DSC2: variants seen among roughly 807,000 people sequenced by gnomAD.
DSC2 encodes desmocollin 2, also known as desmocollin-2.
Under a neutral mutation model 87.6 loss-of-function variants are expected in DSC2, and 51 were observed. That is an observed-to-expected ratio of 0.58 (90% CI 0.46 to 0.74). The LOEUF (loss-of-function observed/expected upper bound fraction) is 0.74, where lower values mean the gene tolerates loss of function less well. Among genes scored for constraint, DSC2 ranks in the 30% least tolerant of loss-of-function variants. The pLI, the probability that DSC2 is intolerant of heterozygous loss-of-function variation, is 0.00. For missense variants in DSC2, 1,066 were observed against 1,089.5 expected, an observed-to-expected ratio of 0.98 and a Z score of 0.30; for synonymous variants, 383 against 393.2, an observed-to-expected ratio of 0.97 and a Z score of 0.31.
rs1395367133 is a variant in DSC2, at chr18:31,101,936, TCC to T, written c.34_35del (p.Gly12SerfsTer18). Reference sequence around the variant, plus strand: ...TCAGCAGGAGCAGCCGGCAGAGGGCTCCGTTCCAGGAGCCGGAGGGGCGGGCT... The same window carrying T: ...TCAGCAGGAGCAGCCGGCAGAGGGCTGTTCCAGGAGCCGGAGGGGCGGGCT... ...EAARPSGSWNGALCRLLLLTL... is the reference protein window; with the variant it reads ...EAARPSGSWNXALCRLLLLTL... On this transcript the variant is annotated frameshift_variant, in exon 1 of 16. Coordinates refer to ENST00000280904, the MANE Select transcript of DSC2 (RefSeq NM_024422.6). LOFTEE classifies it high-confidence loss of function. The T allele has an allele frequency of 2.6e-6, 4 of 1,529,506 alleles. No homozygotes were observed. The highest frequency in any genetic ancestry group is 3.5e-6 in the Non-Finnish European group (4 of 1,143,536). The allele number at this position is 1,529,506 out of a possible 1,614,324, so 94.7% of individuals were successfully genotyped here. A position where few individuals can be genotyped will look rare whatever the true frequency, so the allele number is the denominator to read the frequency against.
In DSC2 at chr18:31,067,185, T is replaced by C. The variant is rs200094325; in HGVS notation, c.*830A>G. The C allele has an allele frequency of 2.6e-5, 4 of 151,026 alleles. No homozygotes were observed. The East Asian group carries it at 7.8e-4, about 29-fold the overall frequency. The allele number at this position is 151,026 out of a possible 1,614,324, so 9.4% of individuals were successfully genotyped here. ...AAAACAAAAAAAAGGAATAATTCAC[T>C]TTATGAGAGAAGAAAAGAGAGACAG... On this transcript the variant is annotated 3_prime_UTR_variant, in exon 16 of 16. Transcript: ENST00000280904.
rs764464857 is a variant in DSC2 at position 31,060,085 on chromosome 18, C to A, written c.*7930G>T. ...GTGTGATCATTGTTTCCATTGTCCT[C>A]AATTATGGTACATTGTATCACAGTA... On this transcript the variant is annotated 3_prime_UTR_variant, in exon 16 of 16. Coordinates refer to ENST00000280904, the MANE Select transcript of DSC2 (RefSeq NM_024422.6). 1.3e-5 allele frequency: 2 copies of A among 152,120 alleles called. No homozygotes were observed. Among genetic ancestry groups the A allele is most frequent in the African/African-American group, 2.4e-5 (1 of 41,446 alleles). 9.4% of individuals were successfully genotyped at this position (152,120 alleles called of 1,614,324 possible).
rs764355417 is a variant in DSC2 at position 31,071,823 on chromosome 18, G to C, written c.1907C>G (p.Ser636Cys). The C allele has an allele frequency of 4.3e-6, 7 of 1,613,492 alleles. No homozygotes were observed. The highest frequency in any genetic ancestry group is 1.6e-4 in the Middle Eastern group (1 of 6,062). ...GCCAAATGGAGGATCATTCTGATAG[G>C]AAAGACGTGCTGCTGTATCTGAAAA... ...KAINDTAARL[S>C]YQNDPPFGSY... The change falls in exon 13 of 16, where the codon TCC (serine) becomes TGC (cysteine). Residue 636 changes from serine to cysteine, a missense_variant. Coordinates refer to ENST00000280904, the MANE Select transcript of DSC2 (RefSeq NM_024422.6).
intron 3 of DSC2, 53 bp from the exon 4 acceptor site, chr18:31,091,200 A>C: frequency 1.9e-6 from 3 of 1,600,536 alleles, no homozygotes; most frequent in Non-Finnish European, 2.6e-6. Flanking sequence ...CTTTATTCTC[A>C]AACATTAAAC....
In DSC2 at chr18:31,070,998, T is replaced by C; in HGVS notation, c.2126-148A>G. The stretch of plus-strand genomic sequence containing the variant: ...CTGGATTGCTTGTGTCAAAGCAGTA[T>C]ACAATAGAAAAGTTTAAATAGATAT... On this transcript the variant is annotated intron_variant, in intron 13 of 15. Transcript: ENST00000280904. 5 of 983,816 alleles carry C rather than the reference T, an allele frequency of 5.1e-6. No homozygotes were observed. In the Admixed American group the frequency reaches 7.6e-5, roughly 15 times the overall value. 60.9% of individuals were successfully genotyped at this position (983,816 alleles called of 1,614,324 possible). A position where few individuals can be genotyped will look rare whatever the true frequency, so the allele number is the denominator to read the frequency against.
chr18:31,070,742 G>A lies in DSC2; in HGVS notation c.2234C>T (p.Pro745Leu), dbSNP rs2144788073. 1 of 1,613,808 alleles carries A rather than the reference G, an allele frequency of 6.2e-7. No individual in the cohort carries two copies. Among genetic ancestry groups the A allele is most frequent in the South Asian group, 1.1e-5 (1 of 91,078 alleles). Residue 745 changes from proline (P) to leucine (L), a missense_variant, in exon 14 of 16, where the codon CCT becomes CTT. Physicochemically the swap from Pro to Leu is moderately conservative, Grantham distance 98. Coordinates refer to ENST00000280904, the MANE Select transcript of DSC2 (RefSeq NM_024422.6). ...ACTACTTACCACTTTGTCATCTCCA[G>A]GAGCTTCTGTGTTTGATACAATTAG... ...QNLIVSNTEA[P>L]GDDKVYSANG... is the part of the protein sequence containing the mutation.
At chr18:31,079,345 C>T (rs1299450245) in intron 11 of DSC2, among the ~76,000 whole-genome samples, 2 of 152,130 alleles carry the variant, frequency 1.3e-5, no homozygotes. Context: ...CCTCCACCTC[C>T]TGGGTTCAAG....
At chr18:31,098,495 T>C (rs1987834494) in intron 1 of DSC2, among the ~76,000 whole-genome samples, 1 of 152,092 alleles carries the variant, frequency 6.6e-6, no homozygotes, top group African/African-American at 2.4e-5. Context: ...TGCTCTGTTG[T>C]CCAGGCCGGA....
In DSC2 at chr18:31,082,393, C is replaced by T. The variant is rs148117955; in HGVS notation, c.1108G>A (p.Asp370Asn). Residue 370 changes from aspartate to asparagine, a missense_variant, in exon 9 of 16, where the codon GAT (aspartate) becomes AAT (asparagine). By Grantham distance (23) the Asp-to-Asn change is conservative (BLOSUM62 1). Coordinates refer to ENST00000280904, the MANE Select transcript of DSC2 (RefSeq NM_024422.6). ...YVTSVEENTV[D>N]VEILRVTVED... ...ACAGTAACTCGTAAGATTTCCACAT[C>T]AACTGTATTTTCTTCCACTGATGTC... The T allele has an allele frequency of 6.2e-7, 1 of 1,613,656 alleles. No homozygotes were observed. The highest frequency in any genetic ancestry group is 1.3e-5 in the African/African-American group (1 of 75,032).
rs1986551676 is a variant in DSC2 at position 31,063,842 on chromosome 18, T to C, written c.*4173A>G. ...GGTTTATCAGGATGTAACCCCATCA[T>C]AAGTCAAGAAGCATCTGTATTTAAA... On this transcript the variant is annotated 3_prime_UTR_variant, in exon 16 of 16. Transcript: ENST00000280904. 1 of 152,334 alleles carries C rather than the reference T, an allele frequency of 6.6e-6. No homozygotes were observed. The highest frequency in any genetic ancestry group is 2.4e-5 in the African/African-American group (1 of 41,592). 9.4% of individuals were successfully genotyped at this position (152,334 alleles called of 1,614,324 possible). A position where few individuals can be genotyped will look rare whatever the true frequency, so the allele number is the denominator to read the frequency against.
intron 1 of DSC2, 39 bp downstream of exon 1, chr18:31,101,863 TC>T: frequency 1.3e-6 from 2 of 1,514,450 alleles, no homozygotes; most frequent in Middle Eastern, 1.7e-4. Flanking sequence ...CCCTAGGCGA[TC>T]GCCCCCTTCC....
Position 31,070,860 on chromosome 18 carries a change from G to T in DSC2, c.2126-10C>A, listed in dbSNP as rs768971007. On this transcript the variant is annotated splice_polypyrimidine_tract_variant and intron_variant, in intron 13 of 15. Transcript: ENST00000280904. ...AGCGTAAACAGGATGCCTGGAGGAA[G>T]AAAGAAATATACTTGAGTTTATCAT... is the stretch of plus-strand genomic sequence containing the variant. 6.2e-7 allele frequency: 1 copy of T among 1,613,358 alleles called. No homozygotes were observed. The highest frequency in any genetic ancestry group is 1.1e-5 in the South Asian group (1 of 91,064).
chr18:31,101,524 G>A, intron 1 of DSC2: 1 of 208,336 alleles, frequency 4.8e-6, no homozygotes, highest in Non-Finnish European at 9.2e-6. Flanking sequence ...CGGCCCCGGC[G>A]CACTCCCGCC....
At position 31,062,400 on chromosome 18, in the gene DSC2, T is replaced by TC. The variant is rs1986518128; in HGVS notation, c.*5614_*5615insG. The TC allele has an allele frequency of 1.7e-5, 1 of 58,570 alleles. No homozygotes were observed. The highest frequency in any genetic ancestry group is 3.7e-5 in the Non-Finnish European group (1 of 26,990). The allele number at this position is 58,570 out of a possible 1,614,324, so 3.6% of individuals were successfully genotyped here. ...AGGTGGTTAGAGAGTGGCCTTTTGG[T>TC]TAAAAAAAAAAAATTCACTGCAGTG... On this transcript the variant is annotated 3_prime_UTR_variant, in exon 16 of 16. Coordinates refer to ENST00000280904, the MANE Select transcript of DSC2 (RefSeq NM_024422.6).
chr18:31,101,863 T>C (rs1414751466), intron 1 of DSC2, 40 bp downstream of exon 1: 1 of 1,514,450 alleles, frequency 6.6e-7, no homozygotes, highest in Admixed American at 2.0e-5. Context: ...CCCTAGGCGA[T>C]CGCCCCCTTC....
In DSC2 at chr18:31,066,184, A is replaced by G. The variant is rs906296145; in HGVS notation, c.*1831T>C. On this transcript the variant is annotated 3_prime_UTR_variant, in exon 16 of 16. Transcript: ENST00000280904. ...TACCCCATGGCCTCACAGCCTTTAG[A>G]ATAGTCATATTATATAAATATGGCA... 4 of 152,210 alleles carry G rather than the reference A, an allele frequency of 2.6e-5. No individual in the cohort carries two copies. Among genetic ancestry groups the G allele is most frequent in the Admixed American group, 2.6e-4 (4 of 15,264 alleles). 9.4% of individuals were successfully genotyped at this position (152,210 alleles called of 1,614,324 possible).
At position 31,089,464 on chromosome 18, in the gene DSC2, T is replaced by C; in HGVS notation, c.605A>G (p.Asp202Gly). ...TGNLYCTRPVDREQYESFEII... is the reference protein window; with the variant it reads ...TGNLYCTRPVGREQYESFEII... ...CTCAAAAGATTCATACTGCTCACGATCTACAGGACGAGTACAATACAAGTT... is the reference window on the plus strand; with the variant it reads ...CTCAAAAGATTCATACTGCTCACGACCTACAGGACGAGTACAATACAAGTT... Residue 202 changes from aspartate to glycine, a missense_variant, in exon 5 of 16, where the codon GAT (aspartate) becomes GGT (glycine). Asp to Gly is a moderately conservative substitution (Grantham distance 94, BLOSUM62 -1). Coordinates refer to ENST00000280904, the MANE Select transcript of DSC2 (RefSeq NM_024422.6). The C allele has an allele frequency of 6.2e-7, 1 of 1,613,876 alleles. No individual in the cohort carries two copies. Among genetic ancestry groups the C allele is most frequent in the Non-Finnish European group, 8.5e-7 (1 of 1,179,876 alleles).
In DSC2 at chr18:31,092,298, T is replaced by G; in HGVS notation, c.157A>C (p.Asn53His). 1 of 1,612,864 alleles carries G rather than the reference T, an allele frequency of 6.2e-7. No homozygotes were observed. The highest frequency in any genetic ancestry group is 8.5e-7 in the Non-Finnish European group (1 of 1,179,026). The part of the protein sequence containing the change: ...LDAEKLVGRV[N>H]LKECFTAANL... ...GCAGCTGTAAAGCACTCTTTCAGGT[T>G]AACTGTAGAAAATATGCACAGCAAT... is the stretch of plus-strand genomic sequence containing the variant. Residue 53 changes from asparagine to histidine, a missense_variant and splice_region_variant, in exon 3 of 16, where the codon AAC becomes CAC. Asn to His is a moderately conservative substitution (Grantham distance 68). Coordinates refer to ENST00000280904, the MANE Select transcript of DSC2 (RefSeq NM_024422.6).
At chr18:31,073,535 C>T (rs901880446) in intron 12 of DSC2, among the ~76,000 whole-genome samples, 2 of 152,132 alleles carry the variant, frequency 1.3e-5, no homozygotes, top group Non-Finnish European at 2.9e-5. Flanking sequence ...TCTCCCTTTA[C>T]GTTCCCTCAT....
Sources: allele counts gnomAD v4.1 joint callset (sites outside exome capture counted in the v4.1 genomes callset), GRCh38; gene constraint gnomAD v4.1.1; transcripts MANE v1.5; gene names NCBI Gene and HGNC (gene_info 2026-07-23, HGNC 2026-07-21).